Variants in VPS13C observed in about 807,000 individuals in gnomAD.
The protein encoded by VPS13C is intermembrane lipid transfer protein VPS13C.
In VPS13C, 358 loss-of-function variants were observed where a neutral mutation model predicts 456.8. That is an observed-to-expected ratio of 0.78 (90% CI 0.72 to 0.86). The LOEUF (loss-of-function observed/expected upper bound fraction) is 0.86. Among genes scored for constraint, VPS13C ranks in the 40% least tolerant of loss-of-function variants. The pLI, the probability that VPS13C is intolerant of heterozygous loss-of-function variation, is 0.00. For synonymous variants in VPS13C, 1,578 were observed against 1,486.7 expected, an observed-to-expected ratio of 1.06 and a Z score of -1.41; for missense variants, 4,818 against 4,385.4, an observed-to-expected ratio of 1.10 and a Z score of -2.79.
chr15:62,015,900 A>T (rs1386812026), intron 9 of VPS13C, among the ~76,000 whole-genome samples: 2 of 138,160 alleles, frequency 1.4e-5, no homozygotes, highest in African/African-American at 2.6e-5. Context: ...AACCTGCACA[A>T]TGTGCACATG....
chr15:61,942,081 CAG>C lies in VPS13C; in HGVS notation c.5149-16_5149-15del. ...GTTGAGGAAGTTCTGTTGGAAGAGA[CAG>C]ATATTTAGGGGAAAAAAGGCATTTA... is the stretch of plus-strand genomic sequence containing the variant. On this transcript the variant is annotated splice_polypyrimidine_tract_variant and intron_variant, in intron 45 of 84. Transcript: ENST00000644861. The C allele has an allele frequency of 2.0e-6, 3 of 1,512,674 alleles. No homozygotes were observed. Among genetic ancestry groups the C allele is most frequent in the South Asian group, 2.8e-5 (2 of 72,338 alleles). 93.7% of individuals were successfully genotyped at this position (1,512,674 alleles called of 1,614,324 possible). A position where few individuals can be genotyped will look rare whatever the true frequency, so the allele number is the denominator to read the frequency against.
At position 61,859,836 on chromosome 15, in the gene VPS13C, G is replaced by GT. The variant is rs376642371; in HGVS notation, c.10953-3428dup. Among the ~76,000 whole-genome samples the GT allele has an allele frequency of 5.4e-3, 786 of 146,414 alleles. 3 individuals are homozygous for GT. Among genetic ancestry groups the GT allele is most frequent in the Middle Eastern group, 0.014 (4 of 284 alleles). On this transcript the variant is annotated intron_variant, in intron 82 of 84. Coordinates refer to ENST00000644861, the MANE Select transcript of VPS13C (RefSeq NM_020821.3). ...TCCCTGTATTTGTCATATGTTGATG[G>GT]TTTTTTTTTTTAAAGTCTGCTCAAT... is the stretch of plus-strand genomic sequence containing the variant.
intron 15 of VPS13C, 116 bp from the exon 16 acceptor site, chr15:62,000,742 A>G: frequency 1.4e-6 from 1 of 714,418 alleles, no homozygotes; most frequent in Non-Finnish European, 2.2e-6. Context: ...ACCTAATGAA[A>G]GTATTAGTAT....
rs372551023 is a variant in VPS13C, at chr15:61,890,354, C to T, written c.9152G>A (p.Trp3051Ter). The change falls in exon 67 of 85, where the codon TGG (tryptophan) becomes TAG (stop). Residue 3051 changes from tryptophan to a stop codon, truncating the protein, a stop_gained. Transcript: ENST00000644861. LOFTEE classifies it high-confidence loss of function. ...CTGGCGCCCATCCAGAAATGATACC[C>T]AGTGTATCTGGATGTTTGCATCATA... ...FPYDANIQIH[W>*]VSFLDGRQRV... 5 of 1,613,908 alleles carry T rather than the reference C, an allele frequency of 3.1e-6. No individual in the cohort carries two copies. The African/African-American group carries it at 6.7e-5, about 22-fold the overall frequency.
Position 61,873,371 on chromosome 15 carries a change from C to A in VPS13C, c.10453G>T (p.Val3485Phe), listed in dbSNP as rs1326673040. The change falls in exon 78 of 85, where the codon GTT becomes TTT. Residue 3485 changes from valine to phenylalanine, a missense_variant. Transcript: ENST00000644861. Reference protein sequence around the residue: ...AGVVSRITGSVGKGLAAITMD... With the variant: ...AGVVSRITGSFGKGLAAITMD... ...GTAATTGCTGCCAAACCTTTCCCAA[C>A]AGAACCGGTGATTCGAGATACAACT... 10 of 1,613,588 alleles carry A rather than the reference C, an allele frequency of 6.2e-6. No individual in the cohort carries two copies. Among genetic ancestry groups the A allele is most frequent in the African/African-American group, 1.3e-5 (1 of 74,866 alleles).
intron 81 of VPS13C, chr15:61,864,931 A>G (rs2140853984): frequency 5.1e-6 from 5 of 975,728 alleles, no homozygotes; most frequent in Non-Finnish European, 6.1e-6. Context: ...AAGAAATACT[A>G]CCCACTTTCT....
chr15:62,007,557 TCTTATG>T (rs1219875931), intron 14 of VPS13C, 78 bp from the exon 15 acceptor site: 1 of 1,249,270 alleles, frequency 8.0e-7, no homozygotes, highest in Non-Finnish European at 1.0e-6. Flanking sequence ...ACATTTTAGA[TCTTATG>T]CTGTCAAATT....
In VPS13C at chr15:61,991,041, C is replaced by T. The variant is rs1310695388; in HGVS notation, c.1537G>A (p.Gly513Ser). The T allele has an allele frequency of 1.9e-6, 3 of 1,612,672 alleles. No individual in the cohort carries two copies. The highest frequency in any genetic ancestry group is 1.3e-5 in the African/African-American group (1 of 74,936). ...AGGTTGTGGGTACTCTCACTATAAC[C>T]AATGGCAGTGAAGAGTTTATCTTTT... Reference protein sequence around the residue: ...EEKDKLFTAIGYSESTHNLTL... With the variant: ...EEKDKLFTAISYSESTHNLTL... Residue 513 changes from glycine to serine, a missense_variant, in exon 18 of 85, where the codon GGT becomes AGT. By Grantham distance (56) the Gly-to-Ser change is moderately conservative. This residue lies in a region of VPS13C where 4,552 missense variants were observed against 4,130.6 expected (regional missense o/e 1.10). Coordinates refer to ENST00000644861, the MANE Select transcript of VPS13C (RefSeq NM_020821.3).
chr15:61,948,311 G>A (rs1240369197), intron 42 of VPS13C, among the ~76,000 whole-genome samples: 1 of 152,100 alleles, frequency 6.6e-6, no homozygotes, highest in East Asian at 1.9e-4. Context: ...AATGTGACAA[G>A]TACATTAAAG....
At chr15:62,028,533 A>C in intron 5 of VPS13C, 113 bp from the exon 6 acceptor site, 1 of 1,059,048 alleles carries the variant, frequency 9.4e-7, no homozygotes, top group Non-Finnish European at 1.4e-6. Context: ...ATCATGTAAC[A>C]GGGTAATTAA....
Position 61,913,329 on chromosome 15 carries a change from G to A in VPS13C, c.8532C>T (p.Ala2844=). ...ATCTTACCAGGTACTCCATATTGTT[G>A]GCAGGACACTTCACACACCCATAAC... is the stretch of plus-strand genomic sequence containing the variant. The part of the protein sequence containing the change: ...VGSYGCVKCP[A]NNMEYLVGVS... Residue 2844 remains alanine (A), a synonymous_variant, in exon 62 of 85, where the codon GCC becomes GCT. Coordinates refer to ENST00000644861, the MANE Select transcript of VPS13C (RefSeq NM_020821.3). 1 of 1,613,970 alleles carries A rather than the reference G, an allele frequency of 6.2e-7. No individual in the cohort carries two copies. Among genetic ancestry groups the A allele is most frequent in the Non-Finnish European group, 8.5e-7 (1 of 1,179,932 alleles).
chr15:61,943,487 T>C (rs572901320), intron 45 of VPS13C, among the ~76,000 whole-genome samples: 152 of 152,238 alleles, frequency 1.0e-3, no homozygotes, highest in African/African-American at 3.6e-3. Context: ...ACCTGTTCTT[T>C]GACAAAGTCA....
At chr15:62,016,783 A>AT (rs1259247882) in intron 9 of VPS13C, among the ~76,000 whole-genome samples, 1 of 152,148 alleles carries the variant, frequency 6.6e-6, no homozygotes, top group Non-Finnish European at 1.5e-5. Context: ...TTGGGTATAT[A>AT]CCCAGTAATA....
intron 35 of VPS13C, among the ~76,000 whole-genome samples, chr15:61,960,606 T>C (rs1289696806): frequency 6.6e-6 from 1 of 152,318 alleles, no homozygotes; most frequent in East Asian, 1.9e-4. Context: ...AAGATGTCTA[T>C]TCTCAAATGA....
Position 61,982,506 on chromosome 15 carries a change from G to A in VPS13C, c.1982C>T (p.Ser661Leu). The part of the protein sequence containing the change: ...NKGLDLEQIT[S>L]ATLMKLEEIK... Reference sequence around the variant, plus strand: ...TTCTTCCAGCTTCATCAATGTTGCTGATGTTATTTGCTCAAGATCCAATCC... The same window carrying A: ...TTCTTCCAGCTTCATCAATGTTGCTAATGTTATTTGCTCAAGATCCAATCC... The change falls in exon 21 of 85, where the codon TCA becomes TTA. Residue 661 changes from serine to leucine, a missense_variant. This residue lies in a region of VPS13C where 4,552 missense variants were observed against 4,130.6 expected (regional missense o/e 1.10). Transcript: ENST00000644861. 6.2e-7 allele frequency: 1 copy of A among 1,609,712 alleles called. No homozygotes were observed. Among genetic ancestry groups the A allele is most frequent in the East Asian group, 2.2e-5 (1 of 44,768 alleles).
At position 62,003,889 on chromosome 15, in the gene VPS13C, A is replaced by T. The variant is rs1369936718; in HGVS notation, c.1291-3263T>A. On this transcript the variant is annotated intron_variant, in intron 15 of 84. Coordinates refer to ENST00000644861, the MANE Select transcript of VPS13C (RefSeq NM_020821.3). ...TGAAGCCCACTTGATCATGGTGGATAAGCTTTTTGATGTGCTGCTGGATTC... is the reference window on the plus strand; with the variant it reads ...TGAAGCCCACTTGATCATGGTGGATTAGCTTTTTGATGTGCTGCTGGATTC... Among the ~76,000 whole-genome samples the T allele has an allele frequency of 7.9e-5, 12 of 151,870 alleles. 1 individual carries two copies. In the South Asian group the frequency reaches 2.5e-3, roughly 32 times the overall value.
rs1424789619 is a variant in VPS13C at position 61,973,528 on chromosome 15, G to T, written c.2543C>A (p.Ser848Tyr). 3.7e-6 allele frequency: 6 copies of T among 1,611,160 alleles called. No homozygotes were observed. Among genetic ancestry groups the T allele is most frequent in the Admixed American group, 3.3e-5 (2 of 59,954 alleles). Residue 848 changes from serine (S) to tyrosine (Y), a missense_variant, in exon 26 of 85, where the codon TCC becomes TAC. By Grantham distance (144) the Ser-to-Tyr change is moderately radical. Around this residue, in one of 3 missense-constraint regions of VPS13C, gnomAD observed 4,552 missense variants for 4,130.6 expected, o/e 1.10. Coordinates refer to ENST00000644861, the MANE Select transcript of VPS13C (RefSeq NM_020821.3). ...ACCACCTGAAATAATAGGAATTGAG[G>T]ATACCTAGCAAAGAATACAAAAAGT... is the stretch of plus-strand genomic sequence containing the variant. ...SSAQSPERQV[S>Y]SIPIISGGTK...
At chr15:61,942,663 A>C (rs2044469863) in intron 45 of VPS13C, among the ~76,000 whole-genome samples, 1 of 152,012 alleles carries the variant, frequency 6.6e-6, no homozygotes, top group East Asian at 1.9e-4. Flanking sequence ...CTCAATTTCA[A>C]CTAAAAACAG....
Position 61,890,133 on chromosome 15 carries a change from G to A in VPS13C, c.9341+32C>T, listed in dbSNP as rs374754633. 36 of 1,605,424 alleles carry A rather than the reference G, an allele frequency of 2.2e-5. No homozygotes were observed. In the African/African-American group the frequency reaches 4.5e-4, roughly 20 times the overall value. On this transcript the variant is annotated intron_variant, in intron 67 of 84. Transcript: ENST00000644861. ...ATTATGAACTTAATGCCTTTTAAAG[G>A]TTTAGGATGTCTTATTTTCCTTCTT...
Sources: allele counts gnomAD v4.1 joint callset (sites outside exome capture counted in the v4.1 genomes callset), GRCh38; gene constraint gnomAD v4.1.1; regional missense constraint gnomAD v4.1.1; transcripts MANE v1.5; gene names NCBI Gene and HGNC (gene_info 2026-07-23, HGNC 2026-07-21).